Variants in MCTP1 observed in about 807,000 individuals in gnomAD.
MCTP1 encodes the protein multiple C2 and transmembrane domain containing 1, also known as multiple C2 and transmembrane domain-containing protein 1.
In MCTP1, 69 loss-of-function variants were observed where a neutral mutation model predicts 120.6. That is an observed-to-expected ratio of 0.57 (90% CI 0.47 to 0.70). The LOEUF (loss-of-function observed/expected upper bound fraction) is 0.70, where lower values mean the gene tolerates loss of function less well. Among genes scored for constraint, MCTP1 ranks in the 30% least tolerant of loss-of-function variants. MCTP1 has a pLI of 0.00. For missense variants in MCTP1, 1,203 were observed against 1,248.8 expected, an observed-to-expected ratio of 0.96 and a Z score of 0.55; for synonymous variants, 529 against 493.1, an observed-to-expected ratio of 1.07 and a Z score of -0.96.
At chr5:94,813,514 C>T (rs1783872627) in intron 17 of MCTP1, among the ~76,000 whole-genome samples, 1 of 152,152 alleles carries the variant, frequency 6.6e-6, no homozygotes, top group South Asian at 2.1e-4. Context: ...CACGGATGTG[C>T]ATTGCAGCAT....
chr5:95,210,351 G>C (rs1443785921), intron 1 of MCTP1, among the ~76,000 whole-genome samples: 3 of 150,370 alleles, frequency 2.0e-5, no homozygotes, highest in Non-Finnish European at 4.4e-5. Context: ...TATGAATCTG[G>C]GTGCTCCTGT....
intron 1 of MCTP1, among the ~76,000 whole-genome samples, chr5:95,095,622 G>C (rs888831605): frequency 6.6e-6 from 1 of 152,186 alleles, no homozygotes; most frequent in Non-Finnish European, 1.5e-5. Context: ...AGGTGTTCTG[G>C]TCTTTTCCTT....
At chr5:94,927,530 A>G (rs1013199908) in intron 6 of MCTP1, among the ~76,000 whole-genome samples, 1 of 152,186 alleles carries the variant, frequency 6.6e-6, no homozygotes, top group African/African-American at 2.4e-5. Flanking sequence ...GAGAAAGTCT[A>G]TGACCAAGAG....
chr5:94,863,943 C>T (rs746504060), intron 17 of MCTP1, among the ~76,000 whole-genome samples: 2 of 151,522 alleles, frequency 1.3e-5, no homozygotes, highest in Admixed American at 6.6e-5. Context: ...ACTGTTGTCC[C>T]GAATATGATC....
chr5:94,910,176 A>C, intron 9 of MCTP1, among the ~76,000 whole-genome samples: 1 of 151,650 alleles, frequency 6.6e-6, no homozygotes, highest in South Asian at 2.1e-4. Context: ...ATGTATACAT[A>C]TATGTATGTG....
At chr5:94,935,686 A>G (rs983463781) in intron 5 of MCTP1, among the ~76,000 whole-genome samples, 1 of 152,090 alleles carries the variant, frequency 6.6e-6, no homozygotes, top group African/African-American at 2.4e-5. Flanking sequence ...AGCTTGAAAT[A>G]AATTATTTCT....
chr5:95,071,350 T>C (rs1752132803), intron 1 of MCTP1, among the ~76,000 whole-genome samples: 1 of 152,226 alleles, frequency 6.6e-6, no homozygotes, highest in Non-Finnish European at 1.5e-5. Context: ...GATGCTGTGC[T>C]GGGTACTTTA....
chr5:95,204,651 A>G (rs532079983), intron 1 of MCTP1, among the ~76,000 whole-genome samples: 1 of 152,306 alleles, frequency 6.6e-6, no homozygotes, highest in East Asian at 1.9e-4. Context: ...CAAAACTACT[A>G]AAACTAATAA....
At chr5:94,826,772 C>CTTTTTTTTTTTTTTTTTTTTTTTTTTTT (rs61324420) in intron 17 of MCTP1, 1 of 42,880 alleles carries the variant, frequency 2.3e-5, no homozygotes. Context: ...GTGACCCCTG[C>CTTTTTTTTTTTTTTTTTTTTTTTTTTTT]TTTTTTTTTT....
chr5:94,835,517 T>C (rs1272985966), intron 17 of MCTP1, among the ~76,000 whole-genome samples: 1 of 152,086 alleles, frequency 6.6e-6, no homozygotes, highest in African/African-American at 2.4e-5. Context: ...GTTGTCCTCA[T>C]CTAGAGGACT....
At chr5:94,917,148 A>G (rs191140722) in intron 8 of MCTP1, among the ~76,000 whole-genome samples, 3 of 152,310 alleles carry the variant, frequency 2.0e-5, no homozygotes. Context: ...TAAATAACAC[A>G]TATTTATTGA....
At chr5:94,892,425 C>T (rs1022319969) in intron 11 of MCTP1, among the ~76,000 whole-genome samples, 3 of 152,116 alleles carry the variant, frequency 2.0e-5, no homozygotes, top group African/African-American at 7.2e-5. Context: ...TCAGCATACC[C>T]GTTCTGAAAA....
At chr5:95,032,283 A>G (rs1206327233) in intron 1 of MCTP1, among the ~76,000 whole-genome samples, 1 of 152,130 alleles carries the variant, frequency 6.6e-6, no homozygotes, top group East Asian at 1.9e-4. Flanking sequence ...CAACCACAGG[A>G]TATACATTCT....
At position 94,797,335 on chromosome 5, in the gene MCTP1, CTATTTGCAAATAATCT is replaced by C. The variant is rs559913992; in HGVS notation, c.2556+1662_2556+1677del. ...GGTAAAACTAAATTACCAGTTTTTC[CTATTTGCAAATAATCT>C]TATTTGCAAATTTGTCTCAAGGCAA... On this transcript the variant is annotated intron_variant, in intron 18 of 22. Coordinates refer to ENST00000515393, the MANE Select transcript of MCTP1 (RefSeq NM_024717.7). Among the ~76,000 whole-genome samples, 19 of 152,146 alleles carry C rather than the reference CTATTTGCAAATAATCT, an allele frequency of 1.2e-4. No individual in the cohort carries two copies. The South Asian group carries it at 3.7e-3, about 30-fold the overall frequency.
chr5:94,981,345 T>C (rs909524791), intron 2 of MCTP1, among the ~76,000 whole-genome samples: 13 of 152,202 alleles, frequency 8.5e-5, no homozygotes, highest in Admixed American at 2.6e-4. Context: ...TAACATCCTA[T>C]TACTTTGTTA....
At chr5:95,220,608 C>T (rs550859103) in intron 1 of MCTP1, among the ~76,000 whole-genome samples, 3 of 152,250 alleles carry the variant, frequency 2.0e-5, no homozygotes, top group African/African-American at 7.2e-5. Context: ...TAATTCTCAC[C>T]TCTCATATTA....
Position 95,017,448 on chromosome 5 carries a change from C to T in MCTP1, c.757G>A (p.Val253Ile), listed in dbSNP as rs1289810436. The T allele has an allele frequency of 6.2e-7, 1 of 1,609,508 alleles. No individual in the cohort carries two copies. The highest frequency in any genetic ancestry group is 1.1e-5 in the South Asian group (1 of 90,546). ...INTAGTSNAE[V>I]PLADPGMYQL... ...TACATTCCGGGATCAGCCAAGGGGACTTCTGCATTACTGGTTCCAGCAGTG... is the reference window on the plus strand; with the variant it reads ...TACATTCCGGGATCAGCCAAGGGGATTTCTGCATTACTGGTTCCAGCAGTG... Residue 253 changes from valine (V) to isoleucine (I), a missense_variant, in exon 2 of 23, where the codon GTC becomes ATC. Val to Ile is a conservative substitution (Grantham distance 29). This residue lies in a region of MCTP1 where 463 missense variants were observed against 377.8 expected (regional missense o/e 1.23). Coordinates refer to ENST00000515393, the MANE Select transcript of MCTP1 (RefSeq NM_024717.7).
At chr5:95,030,524 T>C (rs72777390) in intron 1 of MCTP1, among the ~76,000 whole-genome samples, 10,421 of 152,176 alleles carry the variant, frequency 0.068, 498 homozygotes, top group African/African-American at 0.099. Context: ...ACAAGCAGCA[T>C]CTGAGAAAGC....
At chr5:94,740,557 T>TGTA (rs200436629) in intron 19 of MCTP1, among the ~76,000 whole-genome samples, 2 of 152,158 alleles carry the variant, frequency 1.3e-5, no homozygotes, top group East Asian at 3.8e-4. Context: ...TTGGTGTGGT[T>TGTA]GTAAGTGGCA....
Sources: allele counts gnomAD v4.1 joint callset (sites outside exome capture counted in the v4.1 genomes callset), GRCh38; gene constraint gnomAD v4.1.1; regional missense constraint gnomAD v4.1.1; transcripts MANE v1.5; gene names NCBI Gene and HGNC (gene_info 2026-07-23, HGNC 2026-07-21).